The following PLCB4 variants were observed in gnomAD, a reference collection of about 807,000 sequenced individuals.
PLCB4 encodes the protein 1-phosphatidylinositol 4,5-bisphosphate phosphodiesterase beta-4.
PLCB4 carries 77 observed loss-of-function variants against 178.8 expected under a neutral mutation model. The observed-to-expected ratio is 0.43, with a 90% CI of 0.36 to 0.52. PLCB4 has a LOEUF of 0.52. Among genes scored for constraint, PLCB4 ranks in the 20% least tolerant of loss-of-function variants. The pLI is 0.00. For missense variants in PLCB4, 1,024 were observed against 1,453.4 expected (o/e 0.70, Z 4.80); for synonymous variants, 496 against 490.8 (o/e 1.01, Z -0.14).
intron 25 of PLCB4, among the ~76,000 whole-genome samples, chr20:9,412,565 CCT>C (rs1311351915): frequency 1.3e-5 from 2 of 152,176 alleles, no homozygotes; most frequent in Non-Finnish European, 2.9e-5. Flanking sequence ...AAAACCGAGT[CCT>C]TTCTGATGAG....
intron 33 of PLCB4, 129 bp from the exon 34 acceptor site, chr20:9,457,285 T>A (rs1432548293): frequency 9.2e-6 from 6 of 652,386 alleles, no homozygotes; most frequent in Non-Finnish European, 1.7e-5. Flanking sequence ...AGACCAGTGT[T>A]GCCCAATGAG....
intron 3 of PLCB4, among the ~76,000 whole-genome samples, chr20:9,281,858 T>A (rs1459688369): frequency 1.3e-5 from 2 of 152,036 alleles, no homozygotes; most frequent in African/African-American, 4.8e-5. Context: ...ACTACTTTAT[T>A]TATCTAGATA....
chr20:9,407,728 C>T (rs2039551572), intron 21 of PLCB4, among the ~76,000 whole-genome samples, 189 bp from the exon 22 acceptor site: 2 of 152,198 alleles, frequency 1.3e-5, no homozygotes, highest in African/African-American at 2.4e-5. Flanking sequence ...TGATTACCTC[C>T]TTTTGCATTA....
chr20:9,429,824 C>G (rs1341059357), intron 28 of PLCB4, among the ~76,000 whole-genome samples: 1 of 152,142 alleles, frequency 6.6e-6, no homozygotes, highest in East Asian at 1.9e-4. Context: ...AATGCTGAGC[C>G]CTTTGCACTT....
At chr20:9,451,089 G>A (rs553271023) in intron 32 of PLCB4, among the ~76,000 whole-genome samples, 5 of 152,126 alleles carry the variant, frequency 3.3e-5, no homozygotes, top group Non-Finnish European at 5.9e-5. Context: ...TTTTATTCAT[G>A]CGATAAATAC....
At chr20:9,332,625 A>G (rs938502157) in intron 4 of PLCB4, among the ~76,000 whole-genome samples, 14 of 152,056 alleles carry the variant, frequency 9.2e-5, no homozygotes, top group Non-Finnish European at 1.9e-4. Context: ...TATTCTGATA[A>G]TTGCTTCTCT....
At chr20:9,114,000 G>C (rs1281301467) in intron 2 of PLCB4, among the ~76,000 whole-genome samples, 2 of 152,036 alleles carry the variant, frequency 1.3e-5, no homozygotes, top group Admixed American at 6.6e-5. Flanking sequence ...GATCACTTGA[G>C]ATCAGAAGTT....
chr20:9,128,449 C>T (rs2092186662), intron 2 of PLCB4, among the ~76,000 whole-genome samples: 1 of 152,154 alleles, frequency 6.6e-6, no homozygotes, highest in South Asian at 2.1e-4. Context: ...TAGAATCTCA[C>T]TCTGTCACCC....
At chr20:9,097,232 C>CTT (rs544568591) in intron 2 of PLCB4, among the ~76,000 whole-genome samples, 889 of 80,844 alleles carry the variant, frequency 0.011, 21 homozygotes, top group African/African-American at 0.028. Flanking sequence ...ACAGCCTGGC[C>CTT]TTTTTTTTTT....
At chr20:9,098,549 C>T (rs1041144650) in intron 2 of PLCB4, among the ~76,000 whole-genome samples, 7 of 151,326 alleles carry the variant, frequency 4.6e-5, no homozygotes, top group Admixed American at 1.3e-4. Context: ...GCCCAGGAGG[C>T]TGTGGAGTAT....
chr20:9,325,978 C>T (rs1439763713), intron 4 of PLCB4, among the ~76,000 whole-genome samples: 1 of 151,798 alleles, frequency 6.6e-6, no homozygotes, highest in African/African-American at 2.4e-5. Context: ...GAGCCCATTT[C>T]CCGATTCCAA....
At chr20:9,143,524 C>T (rs1447421459) in intron 2 of PLCB4, among the ~76,000 whole-genome samples, 1 of 151,988 alleles carries the variant, frequency 6.6e-6, no homozygotes, top group South Asian at 2.1e-4. Flanking sequence ...CAGAAAGTTT[C>T]AGTACTAAAT....
intron 2 of PLCB4, among the ~76,000 whole-genome samples, chr20:9,157,809 G>A (rs898146370): frequency 2.6e-5 from 4 of 152,104 alleles, no homozygotes; most frequent in Admixed American, 1.3e-4. Context: ...GTGATGGTGC[G>A]TGGTCCTAGC....
chr20:9,108,681 A>T (rs2091459693), intron 2 of PLCB4, among the ~76,000 whole-genome samples: 1 of 152,044 alleles, frequency 6.6e-6, no homozygotes, highest in African/African-American at 2.4e-5. Flanking sequence ...CTACCATTAA[A>T]ATTGGATATA....
intron 3 of PLCB4, among the ~76,000 whole-genome samples, chr20:9,264,188 C>T (rs2094326163): frequency 6.6e-6 from 1 of 152,114 alleles, no homozygotes; most frequent in Non-Finnish European, 1.5e-5. Context: ...ATTAATATTT[C>T]GGACTTTGAA....
intron 2 of PLCB4, among the ~76,000 whole-genome samples, chr20:9,212,076 A>G (rs1268403657): frequency 6.6e-6 from 1 of 152,182 alleles, no homozygotes; most frequent in African/African-American, 2.4e-5. Context: ...GGGCTTGACC[A>G]TGTAACTAGT....
At chr20:9,314,796 C>G (rs146266017) in intron 4 of PLCB4, among the ~76,000 whole-genome samples, 2,029 of 152,110 alleles carry the variant, frequency 0.013, 50 homozygotes, top group African/African-American at 0.047. Flanking sequence ...AATGAGGACC[C>G]CAAGACCCTC....
At chr20:9,223,360 G>A (rs1212387759) in intron 3 of PLCB4, among the ~76,000 whole-genome samples, 1 of 152,182 alleles carries the variant, frequency 6.6e-6, no homozygotes, top group Non-Finnish European at 1.5e-5. Context: ...GTTATTTATT[G>A]TTGTGTAAGA....
intron 1 of PLCB4, among the ~76,000 whole-genome samples, chr20:9,073,940 C>G (rs2089699016): frequency 6.6e-6 from 1 of 151,882 alleles, no homozygotes; most frequent in African/African-American, 2.4e-5. Context: ...TAAGATTTAC[C>G]ATATTGCGAA....
Sources: allele counts gnomAD v4.1 joint callset (sites outside exome capture counted in the v4.1 genomes callset), GRCh38; gene constraint gnomAD v4.1.1; transcripts MANE v1.5; gene names NCBI Gene and HGNC (gene_info 2026-07-23, HGNC 2026-07-21).